RSBN1L: variants seen among roughly 807,000 people sequenced by gnomAD.
RSBN1L encodes the protein lysine-specific demethylase RSBN1L.
In RSBN1L, 30 loss-of-function variants were observed where a neutral mutation model predicts 67.7. That is an observed-to-expected ratio of 0.44 (90% confidence interval 0.33 to 0.60). The LOEUF is 0.60. Among genes scored for constraint, RSBN1L ranks in the 20% least tolerant of loss-of-function variants. The pLI, the probability that RSBN1L is intolerant of heterozygous loss-of-function variation, is 0.02. For missense variants in RSBN1L, 992 were observed against 1,031.7 expected, an observed-to-expected ratio of 0.96 and a Z score of 0.53; for synonymous variants, 433 against 387.0, an observed-to-expected ratio of 1.12 and a Z score of -1.39.
intron 2 of RSBN1L, among the ~76,000 whole-genome samples, chr7:77,739,711 G>GAAA (rs1158112982): frequency 8.7e-5 from 3 of 34,410 alleles, no homozygotes; most frequent in African/African-American, 2.2e-4. Context: ...TTGGTCTCAG[G>GAAA]AAAAAAAAAA....
chr7:77,697,034 G>A lies in RSBN1L; in HGVS notation c.565G>A (p.Glu189Lys), dbSNP rs1291356374. ...CGGGGCCTCCCGGGAGGAGAACGGG[G>A]AGGTGAAGCCGCTGCCCCGAGGTGG... is the stretch of plus-strand genomic sequence containing the variant. ...AGGASREENG[E>K]VKPLPRDKIK... Residue 189 changes from glutamate to lysine, a missense_variant, in exon 1 of 8, where the codon GAG becomes AAG. This residue lies in a region of RSBN1L where 575 missense variants were observed against 483.2 expected (regional missense o/e 1.19). Transcript: ENST00000334955. The A allele has an allele frequency of 2.6e-6, 4 of 1,512,764 alleles. No individual in the cohort carries two copies. The African/African-American group carries it at 5.5e-5, about 21-fold the overall frequency. 93.7% of individuals were successfully genotyped at this position (1,512,764 alleles called of 1,614,324 possible).
Position 77,779,104 on chromosome 7 carries a change from A to G in RSBN1L, c.2477A>G (p.Asp826Gly), listed in dbSNP as rs1034721477. ...TGCCCTGGAAATCTAAGTCTAGTTG[A>G]TACAAGGCAACACAGTTCAGCACAT... is the stretch of plus-strand genomic sequence containing the variant. ...ELCPGNLSLV[D>G]TRQHSSAHSN... The change falls in exon 8 of 8, where the codon GAT becomes GGT. Residue 826 changes from aspartate (D) to glycine (G), a missense_variant. Physicochemically the swap from Asp to Gly is moderately conservative, Grantham distance 94. This residue lies in a region of RSBN1L where 199 missense variants were observed against 167.7 expected (regional missense o/e 1.19). Coordinates refer to ENST00000334955, the MANE Select transcript of RSBN1L (RefSeq NM_198467.3). 4 of 1,613,652 alleles carry G rather than the reference A, an allele frequency of 2.5e-6. No individual in the cohort carries two copies. The highest frequency in any genetic ancestry group is 3.4e-6 in the Non-Finnish European group (4 of 1,179,606).
At chr7:77,738,908 C>T (rs866216521) in intron 2 of RSBN1L, among the ~76,000 whole-genome samples, 2 of 152,212 alleles carry the variant, frequency 1.3e-5, no homozygotes, top group Middle Eastern at 6.8e-3. Context: ...CACTGCACTC[C>T]AGCCTGGGCA....
At chr7:77,728,511 C>T (rs529088359) in intron 1 of RSBN1L, among the ~76,000 whole-genome samples, 25 of 152,222 alleles carry the variant, frequency 1.6e-4, no homozygotes, top group Non-Finnish European at 2.5e-4. Context: ...GGTTCACGCC[C>T]AGAAGACCCG....
chr7:77,778,249 C>T (rs1791944727), intron 6 of RSBN1L, 89 bp from the exon 7 acceptor site: 1 of 826,384 alleles, frequency 1.2e-6, no homozygotes, highest in Non-Finnish European at 2.0e-6. Flanking sequence ...ATGGTATTGA[C>T]CATAAAGTAT....
At position 77,696,955 on chromosome 7, in the gene RSBN1L, G is replaced by T. The variant is rs751375055; in HGVS notation, c.486G>T (p.Glu162Asp). The T allele has an allele frequency of 6.3e-7, 1 of 1,583,108 alleles. No individual in the cohort carries two copies. The highest frequency in any genetic ancestry group is 1.1e-5 in the South Asian group (1 of 88,706). ...SANAKSRRPKEKREKERRRHG... is the reference protein window; with the variant it reads ...SANAKSRRPKDKREKERRRHG... ...ACGCCAAGTCGCGCAGACCTAAGGAGAAGCGGGAGAAGGAGAGGAGGAGGC... is the reference window on the plus strand; with the variant it reads ...ACGCCAAGTCGCGCAGACCTAAGGATAAGCGGGAGAAGGAGAGGAGGAGGC... Residue 162 changes from glutamate to aspartate, a missense_variant, in exon 1 of 8, where the codon GAG becomes GAT. Glu to Asp is a conservative substitution (Grantham distance 45, BLOSUM62 2). Transcript: ENST00000334955.
In RSBN1L at chr7:77,780,959, C is replaced by T. The variant is rs554509464; in HGVS notation, c.*1791C>T. 5 of 152,210 alleles carry T rather than the reference C, an allele frequency of 3.3e-5. No individual in the cohort carries two copies. Among genetic ancestry groups the T allele is most frequent in the Non-Finnish European group, 7.3e-5 (5 of 68,044 alleles). 9.4% of individuals were successfully genotyped at this position (152,210 alleles called of 1,614,324 possible). A position where few individuals can be genotyped will look rare whatever the true frequency, so the allele number is the denominator to read the frequency against. ...TGTTTGTTTTTGGTATTATTCTGGG[C>T]ACATACTTTGGTTGATGACTTTCAA... On this transcript the variant is annotated 3_prime_UTR_variant, in exon 8 of 8. Coordinates refer to ENST00000334955, the MANE Select transcript of RSBN1L (RefSeq NM_198467.3).
intron 1 of RSBN1L, among the ~76,000 whole-genome samples, chr7:77,706,438 T>C (rs1333437626): frequency 6.6e-6 from 1 of 152,142 alleles, no homozygotes; most frequent in Non-Finnish European, 1.5e-5. Context: ...TCCCAACTCC[T>C]GACCTCAAGT....
At chr7:77,750,296 GTTTTTTTTTTTTTT>G (rs36054297) in intron 3 of RSBN1L, among the ~76,000 whole-genome samples, 22 of 57,456 alleles carry the variant, frequency 3.8e-4, no homozygotes, top group Non-Finnish European at 6.1e-4. Flanking sequence ...AAGATTCTGT[GTTTTTTTTTTTTTT>G]TTTTTTTTTT....
intron 1 of RSBN1L, among the ~76,000 whole-genome samples, chr7:77,713,113 A>G (rs564272571): frequency 6.6e-6 from 1 of 152,168 alleles, no homozygotes; most frequent in East Asian, 1.9e-4. Context: ...CATTTCACTT[A>G]TATGTTCATG....
In RSBN1L at chr7:77,733,210, G is replaced by A. The variant is rs189968316; in HGVS notation, c.587-3200G>A. Reference sequence around the variant, plus strand: ...AAAAAGTGGAAAAATTGTAAGAAGGGTGAAAGGTAGGTTGAAAGGCTGAGA... The same window carrying A: ...AAAAAGTGGAAAAATTGTAAGAAGGATGAAAGGTAGGTTGAAAGGCTGAGA... On this transcript the variant is annotated intron_variant, in intron 1 of 7. Coordinates refer to ENST00000334955, the MANE Select transcript of RSBN1L (RefSeq NM_198467.3). 3.9e-5 allele frequency among the ~76,000 whole-genome samples: 6 copies of A among 152,318 alleles called. No homozygotes were observed. In the East Asian group the frequency reaches 1.2e-3, roughly 29 times the overall value.
chr7:77,699,269 C>T (rs2150410398), intron 1 of RSBN1L, among the ~76,000 whole-genome samples: 1 of 152,208 alleles, frequency 6.6e-6, no homozygotes, highest in African/African-American at 2.4e-5. Context: ...GCTATAAAGA[C>T]ACCTAAACAA....
In RSBN1L at chr7:77,773,364, A is replaced by T. The variant is rs183296368; in HGVS notation, c.1793+50A>T. 630 of 1,329,668 alleles carry T rather than the reference A, an allele frequency of 4.7e-4. 4 individuals carry two copies. In the African/African-American group the frequency reaches 8.7e-3, roughly 18 times the overall value. 82.4% of individuals were successfully genotyped at this position (1,329,668 alleles called of 1,614,324 possible). A position where few individuals can be genotyped will look rare whatever the true frequency, so the allele number is the denominator to read the frequency against. On this transcript the variant is annotated intron_variant, in intron 6 of 7. Transcript: ENST00000334955. The stretch of plus-strand genomic sequence containing the variant: ...ATGAAAGAATTTCTTGGCTTCTACA[A>T]TTTTTCTTGGAAAATCTTAGTAATT...
chr7:77,729,611 A>G (rs1450929235), intron 1 of RSBN1L, among the ~76,000 whole-genome samples: 1 of 152,208 alleles, frequency 6.6e-6, no homozygotes, highest in East Asian at 1.9e-4. Context: ...TTATACTGCT[A>G]AATCATAAGT....
chr7:77,748,896 C>T (rs1330825466), intron 2 of RSBN1L, among the ~76,000 whole-genome samples: 1 of 151,472 alleles, frequency 6.6e-6, no homozygotes, highest in East Asian at 1.9e-4. Flanking sequence ...GCTCTATGCC[C>T]GTCTGTCTGT....
chr7:77,729,034 T>G (rs562655471), intron 1 of RSBN1L, among the ~76,000 whole-genome samples: 2 of 152,196 alleles, frequency 1.3e-5, no homozygotes, highest in Non-Finnish European at 2.9e-5. Flanking sequence ...TTTTAACATA[T>G]TGAAAATATT....
chr7:77,744,179 G>GT (rs1398853550), intron 2 of RSBN1L, among the ~76,000 whole-genome samples: 3 of 151,566 alleles, frequency 2.0e-5, no homozygotes, highest in African/African-American at 7.3e-5. Flanking sequence ...CTACGGGCAT[G>GT]TACCAACATG....
At chr7:77,749,020 C>T (rs1791520429) in intron 2 of RSBN1L, among the ~76,000 whole-genome samples, 1 of 152,052 alleles carries the variant, frequency 6.6e-6, no homozygotes, top group African/African-American at 2.4e-5. Flanking sequence ...CTTCGGGAGG[C>T]CGAAGCGGGC....
chr7:77,719,589 A>G (rs1007660862), intron 1 of RSBN1L, among the ~76,000 whole-genome samples: 1 of 152,212 alleles, frequency 6.6e-6, no homozygotes, highest in Non-Finnish European at 1.5e-5. Flanking sequence ...ACCACCTACA[A>G]TATCTTAGTA....
Sources: allele counts gnomAD v4.1 joint callset (sites outside exome capture counted in the v4.1 genomes callset), GRCh38; gene constraint gnomAD v4.1.1; regional missense constraint gnomAD v4.1.1; transcripts MANE v1.5; gene names NCBI Gene and HGNC (gene_info 2026-07-23, HGNC 2026-07-21).